The following ZNF438 variants were observed in gnomAD, a reference collection of about 807,000 sequenced individuals.
The protein encoded by ZNF438 is zinc finger protein 438.
ZNF438 carries 25 observed loss-of-function variants against 38.0 expected under a neutral mutation model. The ratio of observed to expected loss-of-function variants is 0.66; its 90% CI spans 0.48 to 0.92. ZNF438 has a LOEUF of 0.92. Among genes scored for constraint, ZNF438 ranks in the 40% least tolerant of loss-of-function variants. The pLI, the probability that ZNF438 is intolerant of heterozygous loss-of-function variation, is 0.00. For synonymous variants in ZNF438, 372 were observed against 364.1 expected (o/e 1.02, Z -0.25); for missense variants, 1,007 against 999.6 (o/e 1.01, Z -0.10).
intron 4 of ZNF438, among the ~76,000 whole-genome samples, chr10:30,866,145 G>A (rs1398112854): frequency 2.0e-5 from 3 of 152,126 alleles, no homozygotes; most frequent in Non-Finnish European, 4.4e-5. Context: ...TGATCCTTGA[G>A]TACATGCCTT....
At chr10:30,902,670 A>C (rs997263260) in intron 3 of ZNF438, among the ~76,000 whole-genome samples, 2 of 152,172 alleles carry the variant, frequency 1.3e-5, no homozygotes, top group Non-Finnish European at 2.9e-5. Flanking sequence ...CAGAGTGCTG[A>C]CTGGTGCACT....
chr10:30,855,247 G>A (rs1406250275), intron 4 of ZNF438, among the ~76,000 whole-genome samples: 1 of 152,212 alleles, frequency 6.6e-6, no homozygotes, highest in African/African-American at 2.4e-5. Flanking sequence ...GCACCGATCA[G>A]TGTGAGCAGT....
intron 4 of ZNF438, among the ~76,000 whole-genome samples, chr10:30,855,209 A>G (rs1336040019): frequency 6.6e-6 from 1 of 152,054 alleles, no homozygotes; most frequent in East Asian, 1.9e-4. Flanking sequence ...ACAACAGGAC[A>G]CTCCTGAGCT....
At chr10:31,021,749 C>G (rs2056610663) in intron 1 of ZNF438, among the ~76,000 whole-genome samples, 1 of 152,176 alleles carries the variant, frequency 6.6e-6, no homozygotes. Flanking sequence ...GGCCTAGGAA[C>G]TACTAACAAA....
chr10:31,013,133 A>C (rs952016071), intron 1 of ZNF438, among the ~76,000 whole-genome samples: 1 of 151,866 alleles, frequency 6.6e-6, no homozygotes, highest in Admixed American at 6.6e-5. Context: ...TCCCGGCTAA[A>C]ACGGCGAAAC....
chr10:30,849,240 C>T, exon 5 of ZNF438: 2 of 1,614,128 alleles, frequency 1.2e-6, no homozygotes, highest in Non-Finnish European at 8.5e-7. Context: ...TCATCTGGTA[C>T]CTTCCGTTTT....
In ZNF438 at chr10:30,846,761, A is replaced by C. The variant is rs547328860; in HGVS notation, c.1875-1188T>G. 3.3e-3 allele frequency among the ~76,000 whole-genome samples: 500 copies of C among 152,292 alleles called. 3 individuals are homozygous for C. Among genetic ancestry groups the C allele is most frequent in the African/African-American group, 0.011 (457 of 41,574 alleles). ...ACTGTAGCTACCCTGCTGTGGCTGCAGATCCAGGCATCTCTGCACTCTCAG... is the reference window on the plus strand; with the variant it reads ...ACTGTAGCTACCCTGCTGTGGCTGCCGATCCAGGCATCTCTGCACTCTCAG... On this transcript the variant is annotated intron_variant, in intron 5 of 5. Transcript: ENST00000413025.
At chr10:30,984,780 G>A (rs778252033) in intron 1 of ZNF438, among the ~76,000 whole-genome samples, 25 of 152,136 alleles carry the variant, frequency 1.6e-4, no homozygotes, top group Non-Finnish European at 2.8e-4. Context: ...CATATTCAGG[G>A]CGCAGCCTTT....
intron 2 of ZNF438, among the ~76,000 whole-genome samples, chr10:30,917,465 G>A (rs1424023569): frequency 6.6e-6 from 1 of 152,066 alleles, no homozygotes; most frequent in Non-Finnish European, 1.5e-5. Context: ...TAATGTATAA[G>A]AATGCCAGTT....
chr10:30,927,451 C>A (rs78096197), intron 2 of ZNF438, among the ~76,000 whole-genome samples: 12,655 of 152,184 alleles, frequency 0.083, 604 homozygotes, highest in Non-Finnish European at 0.11. Context: ...GAACAATAAA[C>A]AAAGAAGTTC....
In ZNF438 at chr10:30,848,795, C is replaced by G. The variant is rs765565068; in HGVS notation, c.1610G>C (p.Cys537Ser). ...TACATAGGACTTGCGACAAATCCGACAACTGTAAGGGCGTCTGTTGGTGTG... is the reference window on the plus strand; with the variant it reads ...TACATAGGACTTGCGACAAATCCGAGAACTGTAAGGGCGTCTGTTGGTGTG... Residue 537 changes from cysteine to serine, a missense_variant, in exon 5 of 6, where the codon TGT becomes TCT. Coordinates refer to ENST00000413025, the Ensembl canonical transcript of ZNF438. 2 of 1,614,084 alleles carry G rather than the reference C, an allele frequency of 1.2e-6. No individual in the cohort carries two copies. The highest frequency in any genetic ancestry group is 2.7e-5 in the African/African-American group (2 of 74,936).
intron 1 of ZNF438, among the ~76,000 whole-genome samples, chr10:31,026,400 A>AC (rs886308083): frequency 2.6e-5 from 4 of 151,764 alleles, no homozygotes; most frequent in African/African-American, 7.3e-5. Context: ...ACAAGAAAAA[A>AC]TCAAACAACC....
At chr10:30,963,194 C>A (rs548465789) in intron 1 of ZNF438, among the ~76,000 whole-genome samples, 2 of 151,738 alleles carry the variant, frequency 1.3e-5, no homozygotes, top group East Asian at 3.9e-4. Flanking sequence ...GAGTTTGAGA[C>A]CAGCCTGGCC....
At chr10:30,996,410 T>C (rs1433115067) in intron 1 of ZNF438, among the ~76,000 whole-genome samples, 1 of 152,064 alleles carries the variant, frequency 6.6e-6, no homozygotes, top group African/African-American at 2.4e-5. Context: ...AAGTAAAAGC[T>C]ATACCATACA....
chr10:30,997,926 T>A (rs1030038803), intron 1 of ZNF438, among the ~76,000 whole-genome samples: 8 of 152,190 alleles, frequency 5.3e-5, no homozygotes, highest in African/African-American at 1.9e-4. Flanking sequence ...GAGAGTCTGA[T>A]GATAAGAGTT....
chr10:31,030,683 C>G (rs2057230880), intron 1 of ZNF438, among the ~76,000 whole-genome samples: 1 of 152,212 alleles, frequency 6.6e-6, no homozygotes, highest in African/African-American at 2.4e-5. Context: ...TATCACACTC[C>G]TGAAATGAAT....
intron 1 of ZNF438, among the ~76,000 whole-genome samples, chr10:30,951,994 C>G (rs2048264422): frequency 6.7e-6 from 1 of 150,362 alleles, no homozygotes. Flanking sequence ...TACCTGACTT[C>G]AAACTATACT....
intron 4 of ZNF438, among the ~76,000 whole-genome samples, chr10:30,861,687 G>C (rs2035605510): frequency 6.6e-6 from 1 of 151,852 alleles, no homozygotes; most frequent in Non-Finnish European, 1.5e-5. Flanking sequence ...GCTTTTATTA[G>C]TTATTTCTGG....
At chr10:30,859,567 C>T (rs1077726) in intron 4 of ZNF438, among the ~76,000 whole-genome samples, 1,777 of 152,310 alleles carry the variant, frequency 0.012, 16 homozygotes, top group Non-Finnish European at 0.02. Context: ...TTGGTTTCAA[C>T]TCCTGGCTCT....
Sources: gnomAD v4.1 joint callset for allele counts (sites outside exome capture counted in the v4.1 genomes callset) on GRCh38, gnomAD v4.1.1 for gene constraint, MANE v1.5 for transcripts, NCBI Gene and HGNC (gene_info 2026-07-23, HGNC 2026-07-21) for gene names.